The following TUSC2 variants were observed in gnomAD, a reference collection of about 807,000 sequenced individuals.
TUSC2 encodes the protein tumor suppressor candidate 2.
Under a neutral mutation model 11.5 loss-of-function variants are expected in TUSC2, and 7 were observed. The ratio of observed to expected loss-of-function variants is 0.61; its 90% confidence interval spans 0.35 to 1.14. The LOEUF (loss-of-function observed/expected upper bound fraction) is 1.14, where lower values mean the gene tolerates loss of function less well. Among genes scored for constraint, TUSC2 ranks in the 50% most tolerant of loss-of-function variants. The pLI is 0.03. For missense variants in TUSC2, 132 were observed against 155.0 expected (o/e 0.85, Z 0.79); for synonymous variants, 61 against 64.1 (o/e 0.95, Z 0.23).
intron 1 of TUSC2, chr3:50,327,283 G>A (rs587629415): frequency 3.4e-4 from 153 of 455,742 alleles, no homozygotes; most frequent in Non-Finnish European, 5.8e-4. Context: ...ACCCCAGGTG[G>A]CTGGTGAATT....
Position 50,328,193 on chromosome 3 carries a change from G to A in TUSC2, c.-94C>T, listed in dbSNP as rs1575535995. 4 of 1,221,346 alleles carry A rather than the reference G, an allele frequency of 3.3e-6. No individual in the cohort carries two copies. The highest frequency in any genetic ancestry group is 6.4e-5 in the East Asian group (2 of 31,342). 75.7% of individuals were successfully genotyped at this position (1,221,346 alleles called of 1,614,324 possible). On this transcript the variant is annotated 5_prime_UTR_variant, in exon 1 of 3. Coordinates refer to ENST00000232496, the MANE Select transcript of TUSC2 (RefSeq NM_007275.3). ...CCTGCCCCAGCCGCTGATCGCAGGT[G>A]CCGCCGCCGCCGCCTTCCGCAGGCT...
Position 50,324,924 on chromosome 3 carries a change from T to C in TUSC2, c.*1197A>G, listed in dbSNP as rs782673926. On this transcript the variant is annotated 3_prime_UTR_variant, in exon 3 of 3. Transcript: ENST00000232496. ...CACTCTCATGTGCAGGATCTACAAA[T>C]CATTTTATTGAAATTGAACAAATAA... The C allele has an allele frequency of 1.3e-5, 2 of 152,250 alleles. No individual in the cohort carries two copies. Among genetic ancestry groups the C allele is most frequent in the Non-Finnish European group, 2.9e-5 (2 of 68,036 alleles). 9.4% of individuals were successfully genotyped at this position (152,250 alleles called of 1,614,324 possible).
In TUSC2 at chr3:50,328,020, C is replaced by A. The variant is rs1272783792; in HGVS notation, c.80G>T (p.Gly27Val). The change falls in exon 1 of 3, where the codon GGA (glycine) becomes GTA (valine). Residue 27 changes from glycine to valine, a missense_variant. By Grantham distance (109) the Gly-to-Val change is moderately radical. Around this residue, in one of 3 missense-constraint regions of TUSC2, gnomAD observed 50 missense variants for 27.9 expected, o/e 1.79. Coordinates refer to ENST00000232496, the MANE Select transcript of TUSC2 (RefSeq NM_007275.3). The stretch of plus-strand genomic sequence containing the variant: ...AGGCCGCACCAAAGCTTGCTCAGCT[C>A]CTGCTGCCTCTGAGCCGCCGCCTCC... Reference protein sequence around the residue: ...AAGGGGSEAAGAEQALVRPRG... With the variant: ...AAGGGGSEAAVAEQALVRPRG... 6.6e-7 allele frequency: 1 copy of A among 1,521,568 alleles called. No individual in the cohort carries two copies. Among genetic ancestry groups the A allele is most frequent in the Non-Finnish European group, 8.8e-7 (1 of 1,136,422 alleles). The allele number at this position is 1,521,568 out of a possible 1,614,324, so 94.3% of individuals were successfully genotyped here.
At position 50,326,443 on chromosome 3, in the gene TUSC2, G is replaced by T. The variant is rs1553717409; in HGVS notation, c.181C>A (p.His61Asn). Residue 61 changes from histidine to asparagine, a missense_variant, in exon 2 of 3, where the codon CAC (histidine) becomes AAC (asparagine). By Grantham distance (68) the His-to-Asn change is moderately conservative (BLOSUM62 1). This residue lies in a region of TUSC2 where 65 missense variants were observed against 94.0 expected (regional missense o/e 0.69). Transcript: ENST00000232496. ...MFYDEDGDLA[H>N]EFYEETIVTK... ...ACGATTGTCTCCTCATAGAACTCGT[G>T]AGCCAGATCCCCATCCTCATCATAG... 1 of 1,613,908 alleles carries T rather than the reference G, an allele frequency of 6.2e-7. No individual in the cohort carries two copies. The highest frequency in any genetic ancestry group is 2.2e-5 in the East Asian group (1 of 44,866).
chr3:50,325,104 A>G lies in TUSC2; in HGVS notation c.*1017T>C, dbSNP rs141370223. 6.6e-6 allele frequency: 1 copy of G among 152,434 alleles called. No homozygotes were observed. The highest frequency in any genetic ancestry group is 1.9e-4 in the East Asian group (1 of 5,156). 9.4% of individuals were successfully genotyped at this position (152,434 alleles called of 1,614,324 possible). A position where few individuals can be genotyped will look rare whatever the true frequency, so the allele number is the denominator to read the frequency against. On this transcript the variant is annotated 3_prime_UTR_variant, in exon 3 of 3. Transcript: ENST00000232496. This position sits in a 1 kb window ranked among gnomAD's most constrained non-coding sequence, Gnocchi z 5.1. ...TCATGGACTATTTACAAACCTTCAC[A>G]TTATAAGTATTCCTTTTATGGTTTT... is the stretch of plus-strand genomic sequence containing the variant.
chr3:50,327,756 C>T (rs1041076152), intron 1 of TUSC2, among the ~76,000 whole-genome samples, 198 bp downstream of exon 1: 7 of 152,178 alleles, frequency 4.6e-5, no homozygotes, highest in Admixed American at 3.3e-4. Context: ...CCACTCTTCC[C>T]TAGGGAGACT....
chr3:50,327,840 T>C, intron 1 of TUSC2, 114 bp downstream of exon 1: 1 of 1,320,006 alleles, frequency 7.6e-7, no homozygotes. Context: ...GCTCAAAATA[T>C]GGGGGTCGTC....
chr3:50,327,905 C>A, intron 1 of TUSC2, 49 bp downstream of exon 1: 1 of 1,383,422 alleles, frequency 7.2e-7, no homozygotes, highest in Non-Finnish European at 9.4e-7. Flanking sequence ...GCGCGGGACG[C>A]CTGGCCGCCC....
chr3:50,327,281 TG>T (rs1183103891), intron 1 of TUSC2: 4 of 455,646 alleles, frequency 8.8e-6, no homozygotes, highest in African/African-American at 4.0e-5. Flanking sequence ...ACACCCCAGG[TG>T]GCTGGTGAAT....
Position 50,326,398 on chromosome 3 carries a change from G to C in TUSC2, c.226C>G (p.Arg76Gly). The part of the protein sequence containing the change: ...ETIVTKNGQK[R>G]AKLRRVHKNL... ...TTATGCACTCGCCTCAGCTTGGCCCGCTTCTGCCCGTTCTTGGTGACGATT... is the reference window on the plus strand; with the variant it reads ...TTATGCACTCGCCTCAGCTTGGCCCCCTTCTGCCCGTTCTTGGTGACGATT... Residue 76 changes from arginine (R) to glycine (G), a missense_variant, in exon 2 of 3, where the codon CGG (arginine) becomes GGG (glycine). This residue lies in a region of TUSC2 where 65 missense variants were observed against 94.0 expected (regional missense o/e 0.69). Coordinates refer to ENST00000232496, the MANE Select transcript of TUSC2 (RefSeq NM_007275.3). 1 of 1,613,876 alleles carries C rather than the reference G, an allele frequency of 6.2e-7. No individual in the cohort carries two copies. The highest frequency in any genetic ancestry group is 8.5e-7 in the Non-Finnish European group (1 of 1,179,990).
chr3:50,328,153 T>A lies in TUSC2; in HGVS notation c.-54A>T, dbSNP rs375311513. On this transcript the variant is annotated 5_prime_UTR_variant, in exon 1 of 3. Coordinates refer to ENST00000232496, the MANE Select transcript of TUSC2 (RefSeq NM_007275.3). ...CGTGGCCGCTCTGCTCACACCGCAG[T>A]CCGCACTACCATAACCTGCCCCAGC... is the stretch of plus-strand genomic sequence containing the variant. 7.5e-6 allele frequency: 10 copies of A among 1,338,636 alleles called. No individual in the cohort carries two copies. Among genetic ancestry groups the A allele is most frequent in the East Asian group, 3.1e-5 (1 of 32,224 alleles). The allele number at this position is 1,338,636 out of a possible 1,614,324, so 82.9% of individuals were successfully genotyped here.
Position 50,326,119 on chromosome 3 carries a change from G to A in TUSC2, c.*2C>T, listed in dbSNP as rs1553717357. On this transcript the variant is annotated 3_prime_UTR_variant, in exon 3 of 3. Transcript: ENST00000232496. ...GGTGCTTCTGTCTGCCACCTCCCAG[G>A]GTCACACCTCATAGAGGATCACAGG... is the stretch of plus-strand genomic sequence containing the variant. The A allele has an allele frequency of 3.8e-6, 6 of 1,583,444 alleles. No homozygotes were observed. The highest frequency in any genetic ancestry group is 5.2e-6 in the Non-Finnish European group (6 of 1,164,752).
intron 1 of TUSC2, 110 bp from the exon 2 acceptor site, chr3:50,326,587 A>G: frequency 6.7e-7 from 1 of 1,494,236 alleles, no homozygotes; most frequent in Non-Finnish European, 9.1e-7. Context: ...AGTGGGAAGA[A>G]AAGAGGATAA....
chr3:50,327,114 G>A, intron 1 of TUSC2: 2 of 455,954 alleles, frequency 4.4e-6, no homozygotes, highest in Non-Finnish European at 8.8e-6. Context: ...TCAGGACTTT[G>A]CCTTCACCCA....
chr3:50,327,830 G>T, intron 1 of TUSC2, 124 bp downstream of exon 1: 1 of 1,301,816 alleles, frequency 7.7e-7, no homozygotes, highest in South Asian at 2.0e-5. Flanking sequence ...CTCCAATGAG[G>T]CTCAAAATAT....
chr3:50,327,814 C>T, intron 1 of TUSC2, 140 bp downstream of exon 1: 2 of 1,261,054 alleles, frequency 1.6e-6, no homozygotes, highest in South Asian at 2.1e-5. Flanking sequence ...CTTTCTCCAC[C>T]CCCAGCTCCA....
At chr3:50,327,688 T>G (rs1310349443) in intron 1 of TUSC2, among the ~76,000 whole-genome samples, 2 of 149,784 alleles carry the variant, frequency 1.3e-5, no homozygotes, top group Non-Finnish European at 2.9e-5. Context: ...GGAGGTCTTA[T>G]GGAGGCCCTA....
In TUSC2 at chr3:50,326,663, CT is replaced by C. The variant is rs781918090; in HGVS notation, c.147-187del. On this transcript the variant is annotated intron_variant, in intron 1 of 2. Transcript: ENST00000232496. ...ACAGAATCTCACTCTGTTGCCCAGG[CT>C]GGAGGTGCAGTGGCGCGATCTCAGC... Among the ~76,000 whole-genome samples, 12 of 152,220 alleles carry C rather than the reference CT, an allele frequency of 7.9e-5. No individual in the cohort carries two copies. The South Asian group carries it at 1.2e-3, about 16-fold the overall frequency.
intron 1 of TUSC2, among the ~76,000 whole-genome samples, chr3:50,327,606 G>T (rs587721041): frequency 6.7e-6 from 1 of 149,104 alleles, no homozygotes; most frequent in African/African-American, 2.6e-5. Flanking sequence ...TGGAATAACT[G>T]GGGGGGAAAG....
Sources: allele counts gnomAD v4.1 joint callset (sites outside exome capture counted in the v4.1 genomes callset), GRCh38; gene constraint gnomAD v4.1.1; regional missense constraint gnomAD v4.1.1; non-coding constraint Gnocchi (gnomAD v3.1); transcripts MANE v1.5; gene names NCBI Gene and HGNC (gene_info 2026-07-23, HGNC 2026-07-21).